Variants in ADK observed in about 807,000 individuals in gnomAD.
The protein encoded by ADK is N6,N6-dimethyladenosine kinase.
ADK carries 24 observed loss-of-function variants against 44.7 expected under a neutral mutation model. The observed-to-expected ratio is 0.54, with a 90% confidence interval of 0.39 to 0.76. The LOEUF is 0.76. Ranked by LOEUF, ADK falls within the 30% of genes least tolerant of loss-of-function variation. ADK has a pLI of 0.00. For missense variants in ADK, 321 were observed against 425.1 expected, an observed-to-expected ratio of 0.76 and a Z score of 2.15; for synonymous variants, 128 against 142.6, an observed-to-expected ratio of 0.90 and a Z score of 0.73.
At chr10:74,408,624 A>G (rs1166414413) in intron 6 of ADK, among the ~76,000 whole-genome samples, 1 of 152,190 alleles carries the variant, frequency 6.6e-6, no homozygotes, top group African/African-American at 2.4e-5. Flanking sequence ...AAACTTAACT[A>G]CTAATAGTAG....
At chr10:74,383,070 A>G (rs1327147460) in intron 4 of ADK, among the ~76,000 whole-genome samples, 1 of 152,076 alleles carries the variant, frequency 6.6e-6, no homozygotes, top group Non-Finnish European at 1.5e-5. Flanking sequence ...ATATATAACA[A>G]TTTGACTTAG....
chr10:74,242,467 G>A (rs1031165810), intron 3 of ADK, among the ~76,000 whole-genome samples: 1 of 152,150 alleles, frequency 6.6e-6, no homozygotes, highest in African/African-American at 2.4e-5. Context: ...ATTTTAGTGT[G>A]TTATTTTAGA....
intron 10 of ADK, among the ~76,000 whole-genome samples, chr10:74,676,287 G>A (rs375005275): frequency 1.3e-5 from 2 of 151,906 alleles, no homozygotes; most frequent in South Asian, 2.1e-4. Flanking sequence ...CCGCCATCAC[G>A]CCTGGCTAAT....
At chr10:74,575,754 T>C (rs1851162383) in intron 7 of ADK, among the ~76,000 whole-genome samples, 1 of 152,162 alleles carries the variant, frequency 6.6e-6, no homozygotes, top group African/African-American at 2.4e-5. Flanking sequence ...TAGTTAGTTT[T>C]TTCAAGCAAA....
intron 6 of ADK, among the ~76,000 whole-genome samples, chr10:74,408,094 G>A (rs181376292): frequency 5.3e-5 from 8 of 151,318 alleles, no homozygotes; most frequent in East Asian, 2.0e-4. Flanking sequence ...ATTCTCCTGC[G>A]TCAGTCTACC....
intron 3 of ADK, among the ~76,000 whole-genome samples, chr10:74,262,025 A>T (rs1846056043): frequency 6.6e-6 from 1 of 152,108 alleles, no homozygotes; most frequent in African/African-American, 2.4e-5. Context: ...TCCACCACAA[A>T]AAACACTCAT....
intron 7 of ADK, among the ~76,000 whole-genome samples, chr10:74,588,473 C>G (rs896277228): frequency 6.6e-6 from 1 of 152,112 alleles, no homozygotes; most frequent in African/African-American, 2.4e-5. Context: ...TTTTCAGTTG[C>G]TTTCTCTGTG....
At chr10:74,422,840 G>A (rs1844610081) in intron 6 of ADK, among the ~76,000 whole-genome samples, 2 of 152,200 alleles carry the variant, frequency 1.3e-5, no homozygotes, top group African/African-American at 4.8e-5. Context: ...GACTGAGGGT[G>A]GAGGAGTTGT....
chr10:74,405,963 G>A (rs945923021), intron 6 of ADK, among the ~76,000 whole-genome samples: 1 of 151,924 alleles, frequency 6.6e-6, no homozygotes, highest in Non-Finnish European at 1.5e-5. Flanking sequence ...AAATCTTTCT[G>A]TTCTCTGATA....
At chr10:74,660,416 G>A (rs984837838) in intron 9 of ADK, among the ~76,000 whole-genome samples, 4 of 152,154 alleles carry the variant, frequency 2.6e-5, no homozygotes, top group East Asian at 1.9e-4. Flanking sequence ...ACAGACACGA[G>A]CCACCGTGTC....
At chr10:74,274,994 G>A (rs1313109953) in intron 3 of ADK, among the ~76,000 whole-genome samples, 2 of 151,678 alleles carry the variant, frequency 1.3e-5, no homozygotes, top group Non-Finnish European at 2.9e-5. Context: ...GGAGAATGTA[G>A]ACAGTTCTTT....
At chr10:74,698,665 A>C (rs2134293730) in intron 10 of ADK, among the ~76,000 whole-genome samples, 1 of 152,058 alleles carries the variant, frequency 6.6e-6, no homozygotes, top group South Asian at 2.1e-4. Context: ...TGATCCTCCC[A>C]CCTCAGCCTC....
intron 6 of ADK, among the ~76,000 whole-genome samples, chr10:74,429,214 G>A (rs1439282752): frequency 1.3e-5 from 2 of 152,134 alleles, no homozygotes; most frequent in African/African-American, 2.4e-5. Context: ...AAGACACTTG[G>A]CAAATCTTCT....
chr10:74,309,971 A>G (rs527339190), intron 3 of ADK, among the ~76,000 whole-genome samples: 19 of 152,098 alleles, frequency 1.2e-4, no homozygotes, highest in Non-Finnish European at 2.8e-4. Context: ...ATATTACTAT[A>G]TTCATCTTTG....
chr10:74,529,472 A>G (rs1849197252), intron 7 of ADK: 2 of 152,168 alleles, frequency 1.3e-5, no homozygotes, highest in Non-Finnish European at 2.9e-5. Context: ...GAATGTATTT[A>G]GTGCCAATGA....
chr10:74,301,605 C>T (rs1840034613), intron 3 of ADK, among the ~76,000 whole-genome samples: 1 of 151,394 alleles, frequency 6.6e-6, no homozygotes, highest in Admixed American at 6.6e-5. Context: ...ATTACTAAAC[C>T]TGATAAACAA....
intron 7 of ADK, among the ~76,000 whole-genome samples, chr10:74,574,550 C>A (rs900463748): frequency 2.6e-5 from 4 of 152,118 alleles, no homozygotes; most frequent in Non-Finnish European, 5.9e-5. Context: ...CCAGTATCTA[C>A]CAGTAATGTC....
rs192901419 is a variant in ADK, at chr10:74,347,062, G to C, written c.273+32317G>C. Reference sequence around the variant, plus strand: ...GTGGAGCTTGCAATGAGCAGAGATCGCACCACTGCACTCCAGCCTGGGCGA... The same window carrying C: ...GTGGAGCTTGCAATGAGCAGAGATCCCACCACTGCACTCCAGCCTGGGCGA... On this transcript the variant is annotated intron_variant, in intron 4 of 10. Coordinates refer to ENST00000539909, the MANE Select transcript of ADK (RefSeq NM_006721.4). 5.4e-3 allele frequency among the ~76,000 whole-genome samples: 706 copies of C among 131,202 alleles called. 8 individuals are homozygous for C. The highest frequency in any genetic ancestry group is 0.019 in the African/African-American group (629 of 32,292). The allele number at this position is 131,202 out of a possible 152,430, so 86.1% of individuals were successfully genotyped here. A position where few individuals can be genotyped will look rare whatever the true frequency, so the allele number is the denominator to read the frequency against.
intron 10 of ADK, among the ~76,000 whole-genome samples, chr10:74,700,352 T>C (rs981768198): frequency 1.3e-5 from 2 of 152,078 alleles, no homozygotes; most frequent in Non-Finnish European, 2.9e-5. Context: ...AAGCGATTCT[T>C]CTGCCTCAGC....
Sources: allele counts gnomAD v4.1 joint callset (sites outside exome capture counted in the v4.1 genomes callset), GRCh38; gene constraint gnomAD v4.1.1; transcripts MANE v1.5; gene names NCBI Gene and HGNC (gene_info 2026-07-23, HGNC 2026-07-21).